OR7C1: variants seen among roughly 807,000 people sequenced by gnomAD.
The protein encoded by OR7C1 is olfactory receptor 7C1.
For missense variants in OR7C1, 324 were observed against 383.3 expected (o/e 0.85, Z 1.29); for synonymous variants, 152 against 160.7 (o/e 0.95, Z 0.41).
At chr19:14,805,363 C>T (rs2147647199) in intron 2 of OR7C1, among the ~76,000 whole-genome samples, 1 of 151,434 alleles carries the variant, frequency 6.6e-6, no homozygotes, top group South Asian at 2.1e-4. Flanking sequence ...TTCATGTCTC[C>T]CATGATGGTC....
intron 1 of OR7C1, among the ~76,000 whole-genome samples, chr19:14,816,925 T>G (rs1332952955): frequency 6.6e-6 from 1 of 151,822 alleles, no homozygotes; most frequent in African/African-American, 2.4e-5. Context: ...GCAGGAAAAA[T>G]TTCCTTACTG....
intron 1 of OR7C1, among the ~76,000 whole-genome samples, chr19:14,810,481 A>C (rs957331073): frequency 6.7e-6 from 1 of 150,168 alleles, no homozygotes; most frequent in Non-Finnish European, 1.5e-5. Context: ...CCGGGTTCAC[A>C]CCATTCTCCT....
chr19:14,829,902 G>A (rs1003294996), intron 1 of OR7C1, among the ~76,000 whole-genome samples: 1 of 152,088 alleles, frequency 6.6e-6, no homozygotes, highest in Non-Finnish European at 1.5e-5. Flanking sequence ...GCCGAAGAGG[G>A]CCCAGGCAGG....
rs544898236 is a variant in OR7C1 at position 14,832,398 on chromosome 19, C to T, written c.-623+2676G>A. Among the ~76,000 whole-genome samples, 13 of 140,094 alleles carry T rather than the reference C, an allele frequency of 9.3e-5. No individual in the cohort carries two copies. The South Asian group carries it at 3.2e-3, about 35-fold the overall frequency. The allele number at this position is 140,094 out of a possible 152,430, so 91.9% of individuals were successfully genotyped here. A position where few individuals can be genotyped will look rare whatever the true frequency, so the allele number is the denominator to read the frequency against. ...CCCTCCTTCCCTCCCTCCCTCCCTT[C>T]CTTCCTTCTCTCTCTCTTTCTTTCT... On this transcript the variant is annotated intron_variant, in intron 1 of 4. Transcript: ENST00000641666.
At chr19:14,826,357 AC>A (rs1042079285) in intron 1 of OR7C1, 12 of 152,348 alleles carry the variant, frequency 7.9e-5, no homozygotes, top group African/African-American at 2.9e-4. Flanking sequence ...AATGTTTACG[AC>A]AAAATTTTAT....
At chr19:14,805,406 ATTTTTTTTT>A (rs33957500) in intron 2 of OR7C1, among the ~76,000 whole-genome samples, 1 of 98,058 alleles carries the variant, frequency 1.0e-5, no homozygotes, top group African/African-American at 4.1e-5. Context: ...CAGGAAAATA[ATTTTTTTTT>A]TTTTTTTTTT....
intron 1 of OR7C1, among the ~76,000 whole-genome samples, chr19:14,832,173 G>A (rs1178675897): frequency 6.6e-6 from 1 of 152,184 alleles, no homozygotes; most frequent in Non-Finnish European, 1.5e-5. Context: ...GCCTCCCAAA[G>A]TGCTGGAATT....
intron 1 of OR7C1, among the ~76,000 whole-genome samples, chr19:14,816,142 G>A (rs1256289262): frequency 6.6e-6 from 1 of 152,028 alleles, no homozygotes; most frequent in Non-Finnish European, 1.5e-5. Flanking sequence ...TGACTTTAGA[G>A]GAAACTTTCA....
At chr19:14,830,180 A>G (rs559596211) in intron 1 of OR7C1, among the ~76,000 whole-genome samples, 1 of 152,314 alleles carries the variant, frequency 6.6e-6, no homozygotes, top group South Asian at 2.1e-4. Context: ...AGCTTTTAAT[A>G]TCAGATTCTT....
At chr19:14,800,797 T>G (rs2044637961) in intron 2 of OR7C1, 33 bp from the exon 3 acceptor site, 1 of 152,144 alleles carries the variant, frequency 6.6e-6, no homozygotes, top group South Asian at 2.1e-4. Flanking sequence ...AAGATTAGGG[T>G]GGGGCCACCA....
intron 1 of OR7C1, among the ~76,000 whole-genome samples, chr19:14,818,057 ATTTAT>A (rs139064191): frequency 7.2e-6 from 1 of 138,582 alleles, no homozygotes; most frequent in African/African-American, 2.8e-5. Flanking sequence ...CATACATTTT[ATTTAT>A]TTTATTTATT....
chr19:14,824,426 T>C (rs375768766), intron 1 of OR7C1: 12 of 152,306 alleles, frequency 7.9e-5, no homozygotes, highest in African/African-American at 2.9e-4. Flanking sequence ...CAACTTTATG[T>C]CCGTGTGTAC....
chr19:14,800,909 C>G (rs1031035284), intron 2 of OR7C1, 145 bp from the exon 3 acceptor site: 9 of 152,220 alleles, frequency 5.9e-5, no homozygotes, highest in Non-Finnish European at 1.2e-4. Context: ...TTAAACTCTG[C>G]GCATTCACCA....
At chr19:14,830,943 C>T (rs936643002) in intron 1 of OR7C1, among the ~76,000 whole-genome samples, 2 of 152,148 alleles carry the variant, frequency 1.3e-5, no homozygotes, top group African/African-American at 2.4e-5. Context: ...TTATCAGTAC[C>T]GCACAAAGCC....
At chr19:14,827,605 C>T (rs371721418) in intron 1 of OR7C1, 6 of 1,614,134 alleles carry the variant, frequency 3.7e-6, no homozygotes, top group African/African-American at 1.3e-5. Flanking sequence ...TAAAGGATCC[C>T]AGTCAGGGGA....
Position 14,831,545 on chromosome 19 carries a change from C to T in OR7C1, c.-623+3529G>A, listed in dbSNP as rs543497761. Among the ~76,000 whole-genome samples the T allele has an allele frequency of 2.6e-4, 39 of 151,968 alleles. 1 individual carries two copies. The highest frequency in any genetic ancestry group is 6.8e-3 in the Middle Eastern group (2 of 294). On this transcript the variant is annotated intron_variant, in intron 1 of 4. Coordinates refer to ENST00000641666, the Ensembl canonical transcript of OR7C1. ...CTGCAAGCTCAGCCTCCCGGGTTCA[C>T]GCCATTCTCCTGCCTCAGCCTCCTG...
chr19:14,815,969 A>T (rs1215124556), intron 1 of OR7C1, among the ~76,000 whole-genome samples: 1 of 152,124 alleles, frequency 6.6e-6, no homozygotes, highest in Non-Finnish European at 1.5e-5. Context: ...CTACAGGAAC[A>T]TGCCACCATG....
chr19:14,805,423 T>TA (rs1437219139), intron 2 of OR7C1, among the ~76,000 whole-genome samples: 1 of 145,614 alleles, frequency 6.9e-6, no homozygotes, highest in Non-Finnish European at 1.5e-5. Context: ...TTTTTTTTTT[T>TA]TTTTTTTTTT....
chr19:14,827,778 T>C, intron 1 of OR7C1: 2 of 1,614,118 alleles, frequency 1.2e-6, no homozygotes, highest in South Asian at 2.2e-5. Context: ...TAGCAAGGAA[T>C]ACAGAGCACT....
Sources: allele counts gnomAD v4.1 joint callset (sites outside exome capture counted in the v4.1 genomes callset), GRCh38; gene constraint gnomAD v4.1.1; transcripts MANE v1.5; gene names NCBI Gene and HGNC (gene_info 2026-07-23, HGNC 2026-07-21).